The following HPSE2 variants were observed in gnomAD, a reference collection of about 807,000 sequenced individuals.
HPSE2 encodes heparanase 2 (inactive), also known as inactive heparanase-2.
In HPSE2, 38 loss-of-function variants were observed where a neutral mutation model predicts 60.5. The ratio of observed to expected loss-of-function variants is 0.63; its 90% CI spans 0.48 to 0.82. HPSE2 has a LOEUF of 0.82. Ranked by LOEUF, HPSE2 falls within the 40% of genes least tolerant of loss-of-function variation. The pLI is 0.00. For synonymous variants in HPSE2, 295 were observed against 293.2 expected, an observed-to-expected ratio of 1.01 and a Z score of -0.06; for missense variants, 713 against 740.4, an observed-to-expected ratio of 0.96 and a Z score of 0.43.
chr10:98,764,096 A>G (rs906278813), intron 3 of HPSE2, among the ~76,000 whole-genome samples: 107 of 152,282 alleles, frequency 7.0e-4, no homozygotes, highest in African/African-American at 2.5e-3. Context: ...GTATGTTGAA[A>G]TTCCTTCAGA....
At position 98,504,254 on chromosome 10, in the gene HPSE2, A is replaced by AT. The variant is rs1039486020; in HGVS notation, c.1321-14059dup. Among the ~76,000 whole-genome samples the AT allele has an allele frequency of 3.3e-5, 5 of 151,632 alleles. No individual in the cohort carries two copies. The South Asian group carries it at 8.4e-4, about 25-fold the overall frequency. On this transcript the variant is annotated intron_variant, in intron 9 of 11. Transcript: ENST00000370552. ...GTTTGTCTTCCACATTGCTATACCT[A>AT]TTTTTTTCAGGACTATTTCTGTTAT... is the stretch of plus-strand genomic sequence containing the variant.
intron 3 of HPSE2, among the ~76,000 whole-genome samples, chr10:98,863,010 C>T (rs755212467): frequency 6.6e-6 from 1 of 152,136 alleles, no homozygotes; most frequent in Non-Finnish European, 1.5e-5. Context: ...GTGATCCTCT[C>T]GGCTTGGCCT....
At chr10:99,030,710 A>C (rs1160590167) in intron 3 of HPSE2, among the ~76,000 whole-genome samples, 1 of 152,242 alleles carries the variant, frequency 6.6e-6, no homozygotes, top group African/African-American at 2.4e-5. Context: ...TTGCAGTACT[A>C]TTCACAATAG....
At chr10:99,247,978 AGCCT>A in the HPSE2 span, among the ~76,000 whole-genome samples, 2 of 152,238 alleles carry the variant, frequency 1.3e-5, no homozygotes, top group Admixed American at 1.3e-4. Flanking sequence ...CTTACTGTAC[AGCCT>A]GTAGAACCAT....
intron 3 of HPSE2, among the ~76,000 whole-genome samples, chr10:98,997,429 C>T (rs146481998): frequency 1.1e-4 from 17 of 152,182 alleles, no homozygotes; most frequent in African/African-American, 2.9e-4. Flanking sequence ...ACAGACCTTT[C>T]TACTCCACAC....
the HPSE2 span, among the ~76,000 whole-genome samples, chr10:99,277,936 A>G: frequency 6.6e-6 from 1 of 151,978 alleles, no homozygotes; most frequent in African/African-American, 2.4e-5. Context: ...TGTCTCTACT[A>G]AAATACAAAA....
At chr10:98,628,603 C>T (rs1225277208) in intron 7 of HPSE2, among the ~76,000 whole-genome samples, 1 of 152,144 alleles carries the variant, frequency 6.6e-6, no homozygotes. Context: ...TGCCTTTCAG[C>T]TGTTCTTCTG....
intron 9 of HPSE2, among the ~76,000 whole-genome samples, chr10:98,557,127 G>A (rs1944033820): frequency 6.6e-6 from 1 of 152,000 alleles, no homozygotes. Context: ...GCAGGAGAAT[G>A]GCATGAACCC....
intron 3 of HPSE2, among the ~76,000 whole-genome samples, chr10:98,825,966 C>T (rs566992016): frequency 6.6e-6 from 1 of 152,314 alleles, no homozygotes; most frequent in East Asian, 1.9e-4. Flanking sequence ...GCCAGAACCA[C>T]CCTACTTCCA....
chr10:99,305,217 C>CG, the HPSE2 span, among the ~76,000 whole-genome samples: 2 of 152,102 alleles, frequency 1.3e-5, no homozygotes, highest in South Asian at 2.1e-4. Flanking sequence ...CTCTCTAGTC[C>CG]CAATAAATCT....
chr10:98,820,852 T>C (rs1951407744), intron 3 of HPSE2, among the ~76,000 whole-genome samples: 2 of 152,188 alleles, frequency 1.3e-5, no homozygotes, highest in East Asian at 3.8e-4. Context: ...GTCTATGTTC[T>C]TCATGCTGTA....
chr10:99,257,154 G>A, the HPSE2 span, among the ~76,000 whole-genome samples: 42 of 152,106 alleles, frequency 2.8e-4, no homozygotes, highest in East Asian at 2.9e-3. Flanking sequence ...GATGTATGTC[G>A]CCTCAGGACA....
At chr10:98,560,044 A>C (rs1484936613) in intron 9 of HPSE2, among the ~76,000 whole-genome samples, 1 of 152,228 alleles carries the variant, frequency 6.6e-6, no homozygotes, top group Non-Finnish European at 1.5e-5. Context: ...TGGAGGCCTC[A>C]CTACAGACTT....
At chr10:98,853,565 A>C (rs933461856) in intron 3 of HPSE2, among the ~76,000 whole-genome samples, 1 of 152,016 alleles carries the variant, frequency 6.6e-6, no homozygotes, top group Non-Finnish European at 1.5e-5. Context: ...CATTAGGAAA[A>C]ATGTTTTGCC....
intron 11 of HPSE2, among the ~76,000 whole-genome samples, chr10:98,462,958 G>GC (rs1231126018): frequency 1.0e-5 from 1 of 99,482 alleles, no homozygotes; most frequent in Admixed American, 1.0e-4. Flanking sequence ...CCTTATCTCT[G>GC]CTTTTTTTTT....
chr10:98,836,983 A>G (rs564504255), intron 3 of HPSE2, among the ~76,000 whole-genome samples: 4 of 152,176 alleles, frequency 2.6e-5, no homozygotes, highest in African/African-American at 9.7e-5. Flanking sequence ...AGGCAGAGGT[A>G]GCAGTGAGCT....
At chr10:99,136,492 T>C (rs1444826810) in intron 3 of HPSE2, among the ~76,000 whole-genome samples, 1 of 152,108 alleles carries the variant, frequency 6.6e-6, no homozygotes, top group Non-Finnish European at 1.5e-5. Flanking sequence ...AAATCCTCAA[T>C]AAAATACTGG....
Position 98,459,489 on chromosome 10 carries a change from A to T in HPSE2, c.*85T>A. 1 of 1,420,778 alleles carries T rather than the reference A, an allele frequency of 7.0e-7. No homozygotes were observed. The highest frequency in any genetic ancestry group is 1.2e-5 in the South Asian group (1 of 86,832). 88.0% of individuals were successfully genotyped at this position (1,420,778 alleles called of 1,614,324 possible). ...GGGGCAGCAGGGGCTGGTTGCTAGG[A>T]TGTCTGAAAACAGAGGATACTACTG... On this transcript the variant is annotated 3_prime_UTR_variant, in exon 12 of 12. Transcript: ENST00000370552.
At chr10:98,880,434 C>T (rs1037644278) in intron 3 of HPSE2, among the ~76,000 whole-genome samples, 20 of 151,604 alleles carry the variant, frequency 1.3e-4, no homozygotes, top group Non-Finnish European at 1.0e-4. Context: ...TAAACTCATG[C>T]CTGTTAGGGT....
Sources: allele counts gnomAD v4.1 joint callset (sites outside exome capture counted in the v4.1 genomes callset), GRCh38; gene constraint gnomAD v4.1.1; transcripts MANE v1.5; gene names NCBI Gene and HGNC (gene_info 2026-07-23, HGNC 2026-07-21).